Variants in HSD17B4 observed in about 807,000 individuals in gnomAD.
HSD17B4 encodes the protein peroxisomal multifunctional enzyme type 2.
In HSD17B4, 70 loss-of-function variants were observed where a neutral mutation model predicts 101.0. The observed-to-expected ratio is 0.69, with a 90% CI of 0.57 to 0.85. The LOEUF (loss-of-function observed/expected upper bound fraction) is 0.85. Among genes scored for constraint, HSD17B4 ranks in the 40% least tolerant of loss-of-function variants. HSD17B4 has a pLI of 0.00. For synonymous variants in HSD17B4, 347 were observed against 297.1 expected (o/e 1.17, Z -1.73); for missense variants, 984 against 892.4 (o/e 1.10, Z -1.31).
rs774766165 is a variant in HSD17B4, at chr5:119,529,945, C to T, written c.1819C>T (p.Pro607Ser). ...TTCAAATGCATATGTGGATCTTGCA[C>T]CAACATCTGGTACTTCAGCTAAGAC... ...VISNAYVDLA[P>S]TSGTSAKTPS... Residue 607 changes from proline (P) to serine (S), a missense_variant, in exon 21 of 24, where the codon CCA becomes TCA. Pro to Ser is a moderately conservative substitution (Grantham distance 74). Coordinates refer to ENST00000510025, the MANE Select transcript of HSD17B4 (RefSeq NM_000414.4). The T allele has an allele frequency of 8.7e-6, 14 of 1,610,078 alleles. No homozygotes were observed. Among genetic ancestry groups the T allele is most frequent in the South Asian group, 2.2e-5 (2 of 90,998 alleles).
chr5:119,499,692 C>T, intron 13 of HSD17B4, 139 bp downstream of exon 13: 1 of 464,958 alleles, frequency 2.2e-6, no homozygotes, highest in Non-Finnish European at 3.7e-6. Context: ...TTTAGCATAT[C>T]TTTTGATTTT....
chr5:119,470,390 A>G (rs1314222437), intron 2 of HSD17B4, among the ~76,000 whole-genome samples: 1 of 152,136 alleles, frequency 6.6e-6, no homozygotes. Flanking sequence ...CAGTGGTTCC[A>G]TTACCAAAAT....
chr5:119,526,339 CTG>C (rs1753600338), intron 19 of HSD17B4, among the ~76,000 whole-genome samples: 2 of 150,886 alleles, frequency 1.3e-5, no homozygotes, highest in South Asian at 4.2e-4. Context: ...CTTTTTTTAA[CTG>C]TTTTATCATT....
At chr5:119,475,678 A>T in intron 4 of HSD17B4, 28 bp from the exon 5 acceptor site, 1 of 1,561,806 alleles carries the variant, frequency 6.4e-7, no homozygotes, top group South Asian at 1.1e-5. Context: ...TTGCTTTTAG[A>T]TGTAACTTGT....
intron 17 of HSD17B4, among the ~76,000 whole-genome samples, chr5:119,523,484 G>A (rs551700749): frequency 1.3e-5 from 2 of 152,138 alleles, no homozygotes; most frequent in South Asian, 4.1e-4. Flanking sequence ...CTTATTTTGT[G>A]TTATGATTGA....
At chr5:119,530,179 T>C (rs1438578411) in intron 21 of HSD17B4, 199 bp downstream of exon 21, 12 of 578,390 alleles carry the variant, frequency 2.1e-5, no homozygotes, top group Admixed American at 1.5e-4. Flanking sequence ...AAAACTCGTT[T>C]TGCAGGATAC....
Position 119,509,219 on chromosome 5 carries a change from GA to G in HSD17B4, c.1416del (p.Lys472AsnfsTer9). 1 of 1,606,150 alleles carries G rather than the reference GA, an allele frequency of 6.2e-7. No individual in the cohort carries two copies. Among genetic ancestry groups the G allele is most frequent in the Non-Finnish European group, 8.5e-7 (1 of 1,172,776 alleles). On this transcript the variant is annotated frameshift_variant, in exon 16 of 24. Coordinates refer to ENST00000510025, the MANE Select transcript of HSD17B4 (RefSeq NM_000414.4). LOFTEE classifies it high-confidence loss of function. Reference sequence around the variant, plus strand: ...CTTGTTGGCTCTGGAGGCTTTGGTGGAAAACGGACATCAGACAAAGTCAAGG... The same window carrying G: ...CTTGTTGGCTCTGGAGGCTTTGGTGGAAACGGACATCAGACAAAGTCAAGG... ...LFLVGSGGFG[G>X]KRTSDKVKVA...
intron 19 of HSD17B4, among the ~76,000 whole-genome samples, chr5:119,526,856 A>G (rs1281592063): frequency 1.3e-5 from 2 of 151,912 alleles, no homozygotes; most frequent in Admixed American, 6.6e-5. Context: ...AACTCACCTA[A>G]TATGATTATG....
rs959008961 is a variant in HSD17B4, at chr5:119,497,866, AT to A, written c.972+1229del. Among the ~76,000 whole-genome samples the A allele has an allele frequency of 2.0e-5, 3 of 151,076 alleles. No homozygotes were observed. In the South Asian group the frequency reaches 6.3e-4, roughly 32 times the overall value. ...TGTATCTAACTGTATGACAAGTATC[AT>A]TTTTTTTTCTTGACCATCAGTAATC... is the stretch of plus-strand genomic sequence containing the variant. On this transcript the variant is annotated intron_variant, in intron 12 of 23. Coordinates refer to ENST00000510025, the MANE Select transcript of HSD17B4 (RefSeq NM_000414.4).
chr5:119,499,452 G>C lies in HSD17B4; in HGVS notation c.1108G>C (p.Asp370His), dbSNP rs773950921. 81 of 1,613,608 alleles carry C rather than the reference G, an allele frequency of 5.0e-5. No individual in the cohort carries two copies. The highest frequency in any genetic ancestry group is 6.5e-5 in the Non-Finnish European group (77 of 1,179,716). The change falls in exon 13 of 24, where the codon GAT (aspartate) becomes CAT (histidine). Residue 370 changes from aspartate (D) to histidine (H), a missense_variant. Asp to His is a moderately conservative substitution (Grantham distance 81). Transcript: ENST00000510025. ...DLKFIYEGSS[D>H]FSCLPTFGVI... The stretch of plus-strand genomic sequence containing the variant: ...GAAATTTATTTATGAAGGAAGTTCT[G>C]ATTTCTCCTGTTTGCCCACCTTCGG...
chr5:119,536,383 G>A (rs756483349), intron 22 of HSD17B4, 40 bp from the exon 23 acceptor site: 2 of 1,598,490 alleles, frequency 1.3e-6, no homozygotes, highest in Non-Finnish European at 1.7e-6. Flanking sequence ...TTTTGTTGGA[G>A]AGAAAAAGAT....
chr5:119,525,189 C>T (rs1015981633), intron 17 of HSD17B4, 27 bp from the exon 18 acceptor site: 1 of 1,528,968 alleles, frequency 6.5e-7, no homozygotes, highest in Admixed American at 1.7e-5. Flanking sequence ...ACACTGAGTT[C>T]TAGTTATGTT....
At chr5:119,509,825 G>T (rs1424755654) in intron 16 of HSD17B4, among the ~76,000 whole-genome samples, 1 of 152,204 alleles carries the variant, frequency 6.6e-6, no homozygotes, top group African/African-American at 2.4e-5. Flanking sequence ...GTGGCAGCCA[G>T]TGTAGAAAAC....
chr5:119,471,112 CT>C (rs1373591641), intron 2 of HSD17B4, among the ~76,000 whole-genome samples: 1 of 152,108 alleles, frequency 6.6e-6, no homozygotes, highest in African/African-American at 2.4e-5. Flanking sequence ...TGCTTTTGAA[CT>C]TTCTTGTGCT....
At chr5:119,480,821 A>AC (rs1399037544) in intron 8 of HSD17B4, among the ~76,000 whole-genome samples, 1 of 152,090 alleles carries the variant, frequency 6.6e-6, no homozygotes. Flanking sequence ...TCAGAGACCT[A>AC]CCCCTAGGTG....
At chr5:119,507,550 G>A (rs1349730889) in intron 15 of HSD17B4, among the ~76,000 whole-genome samples, 5 of 152,134 alleles carry the variant, frequency 3.3e-5, no homozygotes, top group Non-Finnish European at 2.9e-5. Context: ...TTGGGAGGCT[G>A]AGGCGGGCGG....
At chr5:119,480,789 G>A (rs1471208372) in intron 8 of HSD17B4, among the ~76,000 whole-genome samples, 1 of 152,198 alleles carries the variant, frequency 6.6e-6, no homozygotes, top group African/African-American at 2.4e-5. Context: ...GTAAGAGACA[G>A]GTACGCCCCG....
In HSD17B4 at chr5:119,463,655, C is replaced by CTTTTTTTTTTTT. The variant is rs57252147; in HGVS notation, c.112+7306_112+7317dup. The stretch of plus-strand genomic sequence containing the variant: ...ATATACTTCTTGGCCATTTATATGT[C>CTTTTTTTTTTTT]TTTTTTTTTTTTTTTTTTTTTTTTT... On this transcript the variant is annotated intron_variant, in intron 2 of 23. Transcript: ENST00000510025. 5.1e-4 allele frequency among the ~76,000 whole-genome samples: 15 copies of CTTTTTTTTTTTT among 29,700 alleles called. 1 individual carries two copies. Among genetic ancestry groups the CTTTTTTTTTTTT allele is most frequent in the Non-Finnish European group, 6.5e-4 (8 of 12,394 alleles). The allele number at this position is 29,700 out of a possible 152,430, so 19.5% of individuals were successfully genotyped here.
At chr5:119,454,470 T>C (rs1754394973) in intron 1 of HSD17B4, among the ~76,000 whole-genome samples, 1 of 152,126 alleles carries the variant, frequency 6.6e-6, no homozygotes, top group Admixed American at 6.5e-5. Flanking sequence ...CACGCCCAGC[T>C]AATTTTTAAA....
Sources: gnomAD v4.1 joint callset for allele counts (sites outside exome capture counted in the v4.1 genomes callset) on GRCh38, gnomAD v4.1.1 for gene constraint, MANE v1.5 for transcripts, NCBI Gene and HGNC (gene_info 2026-07-23, HGNC 2026-07-21) for gene names.